Variants in PAN3 observed in about 807,000 individuals in gnomAD.
PAN3 encodes PAN2-PAN3 deadenylation complex subunit PAN3.
In PAN3, 19 loss-of-function variants were observed where a neutral mutation model predicts 96.2. That is an observed-to-expected ratio of 0.20 (90% CI 0.14 to 0.29). PAN3 has a LOEUF of 0.29. Ranked by LOEUF, PAN3 falls within the 10% of genes least tolerant of loss-of-function variation. The probability of loss-of-function intolerance (pLI) is 1.00; values close to 1 mark genes in which losing one functional copy is unlikely to be tolerated. For missense variants in PAN3, 882 were observed against 1,108.1 expected (o/e 0.80, Z 2.90); for synonymous variants, 433 against 406.6 (o/e 1.06, Z -0.78).
intron 5 of PAN3, among the ~76,000 whole-genome samples, chr13:28,202,667 ACAC>A (rs1878879223): frequency 6.6e-6 from 1 of 152,046 alleles, no homozygotes; most frequent in Admixed American, 6.6e-5. Context: ...ATACACACAC[ACAC>A]ACACACACAA....
intron 5 of PAN3, among the ~76,000 whole-genome samples, chr13:28,219,856 C>T (rs1383382954): frequency 6.6e-6 from 1 of 152,184 alleles, no homozygotes; most frequent in Non-Finnish European, 1.5e-5. Flanking sequence ...CAGTTTTGAC[C>T]TTTATCTTGG....
At chr13:28,188,195 A>G (rs762921481) in intron 4 of PAN3, among the ~76,000 whole-genome samples, 8 of 152,148 alleles carry the variant, frequency 5.3e-5, no homozygotes, top group African/African-American at 1.2e-4. Flanking sequence ...AGGTACATCA[A>G]TTGAGAAATC....
intron 7 of PAN3, among the ~76,000 whole-genome samples, chr13:28,257,691 AATATATATT>A (rs920665773): frequency 1.8e-4 from 25 of 140,150 alleles, no homozygotes; most frequent in East Asian, 1.6e-3. Flanking sequence ...AAATTATATA[AATATATATT>A]ATATATATTA....
intron 6 of PAN3, among the ~76,000 whole-genome samples, chr13:28,220,980 G>T (rs912064275): frequency 2.0e-5 from 3 of 152,044 alleles, no homozygotes; most frequent in African/African-American, 4.8e-5. Flanking sequence ...TACCCATAAT[G>T]ACAGAACAAT....
upstream of PAN3, chr13:28,138,502 C>G (rs549671670): frequency 5.5e-4 from 184 of 337,598 alleles, no homozygotes; most frequent in Non-Finnish European, 8.6e-4. Flanking sequence ...CTCCCCTCCC[C>G]CTTCTCCCCG....
intron 4 of PAN3, among the ~76,000 whole-genome samples, chr13:28,185,112 CTG>C (rs1164292563): frequency 6.6e-6 from 1 of 152,066 alleles, no homozygotes; most frequent in Non-Finnish European, 1.5e-5. Flanking sequence ...TTTGAATACA[CTG>C]TGATTTTTAT....
chr13:28,184,828 A>G (rs74693890), intron 4 of PAN3, among the ~76,000 whole-genome samples: 3,674 of 152,086 alleles, frequency 0.024, 61 homozygotes, highest in South Asian at 0.05. Flanking sequence ...CTATTGGGCT[A>G]TTTTTTAAAT....
At chr13:28,141,742 G>C (rs1365445632) in intron 1 of PAN3, among the ~76,000 whole-genome samples, 1 of 152,074 alleles carries the variant, frequency 6.6e-6, no homozygotes, top group Non-Finnish European at 1.5e-5. Context: ...TTACTGGCGG[G>C]AGCCACCGCA....
chr13:28,138,923 C>T lies in PAN3; in HGVS notation c.266C>T (p.Ala89Val), dbSNP rs1406513527. 6 of 1,365,180 alleles carry T rather than the reference C, an allele frequency of 4.4e-6. No homozygotes were observed. The highest frequency in any genetic ancestry group is 5.7e-6 in the Non-Finnish European group (6 of 1,061,496). The allele number at this position is 1,365,180 out of a possible 1,614,324, so 84.6% of individuals were successfully genotyped here. A position where few individuals can be genotyped will look rare whatever the true frequency, so the allele number is the denominator to read the frequency against. Residue 89 changes from alanine to valine, a missense_variant, in exon 1 of 19, where the codon GCT becomes GTT. Ala to Val is a moderately conservative substitution (Grantham distance 64, BLOSUM62 0). Transcript: ENST00000380958. ...LGLHSNSVPL[A>V]LAGAPVAGFP... Reference sequence around the variant, plus strand: ...CTCCATAGCAACAGCGTCCCCCTGGCTCTGGCTGGTGCACCCGTGGCCGGC... The same window carrying T: ...CTCCATAGCAACAGCGTCCCCCTGGTTCTGGCTGGTGCACCCGTGGCCGGC...
At chr13:28,188,372 G>T (rs1262769510) in intron 4 of PAN3, among the ~76,000 whole-genome samples, 1 of 152,040 alleles carries the variant, frequency 6.6e-6, no homozygotes, top group Non-Finnish European at 1.5e-5. Flanking sequence ...ATGATTAGTG[G>T]TTAATCACTT....
intron 1 of PAN3, among the ~76,000 whole-genome samples, chr13:28,147,317 C>T (rs912576011): frequency 3.9e-5 from 6 of 152,106 alleles, no homozygotes; most frequent in Non-Finnish European, 5.9e-5. Flanking sequence ...TCTAGATTTA[C>T]GATGATTCGA....
chr13:28,150,225 A>G (rs1480782449), intron 1 of PAN3, among the ~76,000 whole-genome samples: 3 of 152,186 alleles, frequency 2.0e-5, no homozygotes, highest in Non-Finnish European at 1.5e-5. Context: ...TTGATACATG[A>G]TGGGACAGGG....
chr13:28,147,979 A>G (rs1192711082), intron 1 of PAN3, among the ~76,000 whole-genome samples: 1 of 151,796 alleles, frequency 6.6e-6, no homozygotes, highest in Non-Finnish European at 1.5e-5. Context: ...TTTTTGAGAC[A>G]AAGTCTTGCT....
chr13:28,266,455 G>A (rs1886183775), intron 9 of PAN3, among the ~76,000 whole-genome samples: 1 of 152,124 alleles, frequency 6.6e-6, no homozygotes, highest in African/African-American at 2.4e-5. Flanking sequence ...GAACAAATTT[G>A]TATTGTGCTA....
At chr13:28,149,877 A>G (rs1871144382) in intron 1 of PAN3, among the ~76,000 whole-genome samples, 1 of 152,196 alleles carries the variant, frequency 6.6e-6, no homozygotes, top group Non-Finnish European at 1.5e-5. Context: ...TTAGTTGGCC[A>G]AAGTGTTGTG....
intron 5 of PAN3, among the ~76,000 whole-genome samples, chr13:28,209,258 C>T (rs759725307): frequency 5.3e-5 from 8 of 152,108 alleles, no homozygotes; most frequent in South Asian, 2.1e-4. Context: ...TAGAAGAGTA[C>T]GAAGAAGAAG....
intron 6 of PAN3, among the ~76,000 whole-genome samples, chr13:28,250,626 C>G (rs1255498500): frequency 6.6e-6 from 1 of 152,186 alleles, no homozygotes; most frequent in African/African-American, 2.4e-5. Flanking sequence ...CTCGGCCTCC[C>G]AAAGTGCTGG....
rs1455798768 is a variant in PAN3 at position 28,263,894 on chromosome 13, T to C, written c.1411+2436T>C. 2.0e-5 allele frequency among the ~76,000 whole-genome samples: 3 copies of C among 152,346 alleles called. No individual in the cohort carries two copies. In the East Asian group the frequency reaches 5.8e-4, roughly 29 times the overall value. ...CTCTTTCAAATATCCATGAGTACTT[T>C]ACATGATTCATCAGTATGCACACAA... On this transcript the variant is annotated intron_variant, in intron 9 of 18. Transcript: ENST00000380958.
intron 6 of PAN3, among the ~76,000 whole-genome samples, chr13:28,230,254 T>C (rs893924337): frequency 1.3e-5 from 2 of 152,148 alleles, no homozygotes; most frequent in African/African-American, 4.8e-5. Flanking sequence ...TGCTTAGTCA[T>C]GAATAAATCT....
Sources: gnomAD v4.1 joint callset for allele counts (sites outside exome capture counted in the v4.1 genomes callset) on GRCh38, gnomAD v4.1.1 for gene constraint, MANE v1.5 for transcripts, NCBI Gene and HGNC (gene_info 2026-07-23, HGNC 2026-07-21) for gene names.